Variants in CTIF observed in about 807,000 individuals in gnomAD.
The protein encoded by CTIF is cap binding complex dependent translation initiation factor, also known as CBP80/20-dependent translation initiation factor.
In CTIF, 21 loss-of-function variants were observed where a neutral mutation model predicts 66.0. The observed-to-expected ratio is 0.32, with a 90% CI of 0.23 to 0.46. The LOEUF (loss-of-function observed/expected upper bound fraction) is 0.46. CTIF is among the 20% of genes least tolerant of loss of function. The pLI is 1.00. For missense variants in CTIF, 739 were observed against 812.7 expected, an observed-to-expected ratio of 0.91 and a Z score of 1.10; for synonymous variants, 345 against 326.4, an observed-to-expected ratio of 1.06 and a Z score of -0.62.
intron 7 of CTIF, among the ~76,000 whole-genome samples, chr18:48,714,800 C>G (rs184476614): frequency 6.8e-4 from 104 of 152,314 alleles, no homozygotes; most frequent in African/African-American, 2.4e-3. Context: ...ACCCTATGAT[C>G]TTGCCAATTA....
rs576907505 is a variant in CTIF, at chr18:48,805,647, C to T, written c.1372-11574C>T. 2.0e-5 allele frequency among the ~76,000 whole-genome samples: 3 copies of T among 152,200 alleles called. No homozygotes were observed. The South Asian group carries it at 6.2e-4, about 32-fold the overall frequency. ...ACATCACTGTATGGCAAAAATGTTA[C>T]CCACAAAAGTGAAACAAATGTCATG... is the stretch of plus-strand genomic sequence containing the variant. On this transcript the variant is annotated intron_variant, in intron 9 of 11. Transcript: ENST00000256413.
At chr18:48,605,015 C>A (rs987673033) in intron 1 of CTIF, among the ~76,000 whole-genome samples, 4 of 152,148 alleles carry the variant, frequency 2.6e-5, no homozygotes, top group Non-Finnish European at 5.9e-5. Context: ...ATTTTGTTAT[C>A]CAGTCATCAG....
chr18:48,809,301 T>C (rs2068214609), intron 9 of CTIF, among the ~76,000 whole-genome samples: 1 of 152,182 alleles, frequency 6.6e-6, no homozygotes, highest in Non-Finnish European at 1.5e-5. Flanking sequence ...AGATTTTCCA[T>C]ATATTTAATC....
chr18:48,848,921 G>C (rs1485862424), intron 10 of CTIF, among the ~76,000 whole-genome samples: 1 of 152,254 alleles, frequency 6.6e-6, no homozygotes, highest in Non-Finnish European at 1.5e-5. Flanking sequence ...AACAAACACT[G>C]TGTGGGCTCG....
chr18:48,646,405 AT>A (rs538598361), intron 3 of CTIF, among the ~76,000 whole-genome samples: 14 of 151,426 alleles, frequency 9.2e-5, no homozygotes, highest in African/African-American at 2.2e-4. Flanking sequence ...GGTTAAAATA[AT>A]TTTTTTTAAA....
At chr18:48,825,906 A>G (rs1002328388) in intron 10 of CTIF, 4 of 152,226 alleles carry the variant, frequency 2.6e-5, no homozygotes, top group African/African-American at 4.8e-5. Context: ...AAGCTTTCCA[A>G]ATGATTCTAA....
At chr18:48,648,796 G>C (rs959111014) in intron 3 of CTIF, among the ~76,000 whole-genome samples, 3 of 152,142 alleles carry the variant, frequency 2.0e-5, no homozygotes, top group African/African-American at 7.2e-5. Flanking sequence ...CCATGTAGTC[G>C]TGGGACCAGT....
chr18:48,761,479 C>T lies in CTIF; in HGVS notation c.1161C>T (p.Ser387=), dbSNP rs753112740. The T allele has an allele frequency of 1.2e-5, 20 of 1,614,184 alleles. No individual in the cohort carries two copies. Among genetic ancestry groups the T allele is most frequent in the South Asian group, 1.1e-4 (10 of 91,090 alleles). The stretch of plus-strand genomic sequence containing the variant: ...TGAACAGCATGCGGAACAACAGCAG[C>T]GACGTGGACACCAAGCTCACCACCT... ...EILNSMRNNS[S]DVDTKLTTFM... Residue 387 remains serine, a synonymous_variant, in exon 9 of 12, where the codon AGC becomes AGT. Coordinates refer to ENST00000256413, the MANE Select transcript of CTIF (RefSeq NM_014772.3). This position sits in a 1 kb window ranked among gnomAD's most constrained non-coding sequence, Gnocchi z 4.2.
chr18:48,551,738 C>T (rs181167546), intron 1 of CTIF, among the ~76,000 whole-genome samples: 25 of 152,154 alleles, frequency 1.6e-4, no homozygotes, highest in Admixed American at 9.8e-4. Flanking sequence ...TGTCTGTAAA[C>T]GCAGGGATTG....
chr18:48,591,731 G>C (rs1341728885), intron 1 of CTIF, among the ~76,000 whole-genome samples: 1 of 152,148 alleles, frequency 6.6e-6, no homozygotes, highest in African/African-American at 2.4e-5. Flanking sequence ...TGCATTTCTG[G>C]TGCTGCACTT....
intron 3 of CTIF, 133 bp downstream of exon 3, chr18:48,636,818 A>G (rs1029320623): frequency 1.6e-5 from 9 of 558,140 alleles, no homozygotes; most frequent in Non-Finnish European, 2.3e-5. Context: ...GGGAGGGGGC[A>G]TCTGTTCCCT....
chr18:48,623,191 G>A (rs1176297882), intron 2 of CTIF, among the ~76,000 whole-genome samples: 2 of 152,252 alleles, frequency 1.3e-5, no homozygotes, highest in African/African-American at 4.8e-5. Context: ...GCTGTGAAGT[G>A]TGGTGTGGAG....
intron 7 of CTIF, among the ~76,000 whole-genome samples, chr18:48,721,017 C>G (rs1271645289): frequency 6.6e-6 from 1 of 152,212 alleles, no homozygotes; most frequent in Non-Finnish European, 1.5e-5. Flanking sequence ...AAGAGGTTGC[C>G]TACAGCTCAT....
At chr18:48,798,256 T>C (rs548598299) in intron 9 of CTIF, among the ~76,000 whole-genome samples, 34 of 152,338 alleles carry the variant, frequency 2.2e-4, no homozygotes, top group Non-Finnish European at 3.1e-4. Context: ...TTAAGCATGC[T>C]AAGCCGCTCA....
chr18:48,614,487 T>A (rs918841709), intron 1 of CTIF, among the ~76,000 whole-genome samples: 1 of 152,046 alleles, frequency 6.6e-6, no homozygotes, highest in East Asian at 1.9e-4. Flanking sequence ...AAATAAAATA[T>A]GGTCTAGATA....
chr18:48,846,037 G>A (rs1385076489), intron 10 of CTIF, among the ~76,000 whole-genome samples: 2 of 152,156 alleles, frequency 1.3e-5, no homozygotes, highest in South Asian at 2.1e-4. Context: ...TAAACTACAG[G>A]TATTACTATG....
chr18:48,775,424 G>A (rs1376209463), intron 9 of CTIF, among the ~76,000 whole-genome samples: 2 of 152,232 alleles, frequency 1.3e-5, no homozygotes, highest in Non-Finnish European at 2.9e-5. Flanking sequence ...AGCGCCATGA[G>A]ATGCCCACGC....
At chr18:48,584,837 C>G (rs1264832514) in intron 1 of CTIF, among the ~76,000 whole-genome samples, 1 of 152,254 alleles carries the variant, frequency 6.6e-6, no homozygotes, top group Non-Finnish European at 1.5e-5. Flanking sequence ...AGTGTATTAT[C>G]AGTACTTTAC....
At chr18:48,762,345 C>T (rs761746777) in intron 9 of CTIF, among the ~76,000 whole-genome samples, 1 of 152,190 alleles carries the variant, frequency 6.6e-6, no homozygotes, top group Non-Finnish European at 1.5e-5. Context: ...ATGAGTGTGT[C>T]GTGGGAGTAG....
Sources: gnomAD v4.1 joint callset for allele counts (sites outside exome capture counted in the v4.1 genomes callset) on GRCh38, gnomAD v4.1.1 for gene constraint, Gnocchi (gnomAD v3.1) non-coding constraint, MANE v1.5 for transcripts, NCBI Gene and HGNC (gene_info 2026-07-23, HGNC 2026-07-21) for gene names.